Variants in TEAD2 observed in about 807,000 individuals in gnomAD.
TEAD2 encodes TEA domain transcription factor 2, also known as transcriptional enhancer factor TEF-4.
In TEAD2, 51 loss-of-function variants were observed where a neutral mutation model predicts 61.4. That is an observed-to-expected ratio of 0.83 (90% CI 0.66 to 1.05). The LOEUF is 1.05. TEAD2 is among the 50% of genes least tolerant of loss of function. TEAD2 has a pLI of 0.00. For synonymous variants in TEAD2, 244 were observed against 243.2 expected (o/e 1.00, Z -0.03); for missense variants, 509 against 600.0 (o/e 0.85, Z 1.58).
chr19:49,355,474 G>T, intron 5 of TEAD2, 55 bp from the exon 6 acceptor site: 1 of 1,470,802 alleles, frequency 6.8e-7, no homozygotes, highest in South Asian at 1.1e-5. Context: ...AACATGGCAA[G>T]AGGGGGATGG....
chr19:49,357,723 G>T, intron 3 of TEAD2: 1 of 254,958 alleles, frequency 3.9e-6, no homozygotes, highest in Non-Finnish European at 7.8e-6. Context: ...GGAGGTATTG[G>T]ATCATGGAGG....
Position 49,355,352 on chromosome 19 carries a change from G to A in TEAD2, c.440C>T (p.Ala147Val), listed in dbSNP as rs767942933. The change falls in exon 6 of 13, where the codon GCG becomes GTG. Residue 147 changes from alanine to valine, a missense_variant. Coordinates refer to ENST00000593945, the MANE Select transcript of TEAD2 (RefSeq NM_001256660.2). ...ACCCAGTTTGGCCTGCAGAGAAGGC[G>A]CGGAGATGAGCTGGGCAGAGGACAT... ...ATMSSAQLIS[A>V]PSLQAKLGPT... is the part of the protein sequence containing the mutation. The A allele has an allele frequency of 2.3e-5, 37 of 1,614,220 alleles. No homozygotes were observed. The highest frequency in any genetic ancestry group is 1.2e-4 in the South Asian group (11 of 91,086).
In TEAD2 at chr19:49,348,679, C is replaced by T. The variant is rs556267897; in HGVS notation, c.747+24G>A. ...CCCTCTATATTTCAAAATCCCTCAGCGACTGTACCAAAATTTCACTCACAG... is the reference window on the plus strand; with the variant it reads ...CCCTCTATATTTCAAAATCCCTCAGTGACTGTACCAAAATTTCACTCACAG... On this transcript the variant is annotated intron_variant, in intron 9 of 12. Coordinates refer to ENST00000593945, the MANE Select transcript of TEAD2 (RefSeq NM_001256660.2). 63 of 1,604,314 alleles carry T rather than the reference C, an allele frequency of 3.9e-5. No individual in the cohort carries two copies. In the African/African-American group the frequency reaches 6.8e-4, roughly 17 times the overall value.
At chr19:49,350,347 T>G (rs1241176465) in intron 8 of TEAD2, among the ~76,000 whole-genome samples, 2 of 152,122 alleles carry the variant, frequency 1.3e-5, no homozygotes, top group Non-Finnish European at 2.9e-5. Flanking sequence ...TGAGACAGAG[T>G]CTTGCTCTGT....
intron 8 of TEAD2, among the ~76,000 whole-genome samples, chr19:49,349,796 C>T (rs971999469): frequency 6.6e-6 from 1 of 152,154 alleles, no homozygotes; most frequent in Non-Finnish European, 1.5e-5. Context: ...TTATAAATCA[C>T]CCAGTTTCAG....
chr19:49,348,992 T>G, intron 8 of TEAD2, 147 bp from the exon 9 acceptor site: 1 of 1,071,742 alleles, frequency 9.3e-7, no homozygotes, highest in Non-Finnish European at 1.3e-6. Flanking sequence ...AGTGGCCATG[T>G]GACACAGTCC....
chr19:49,350,253 C>A (rs1452193346), intron 8 of TEAD2, among the ~76,000 whole-genome samples: 1 of 152,036 alleles, frequency 6.6e-6, no homozygotes, highest in Admixed American at 6.6e-5. Flanking sequence ...ACGCCTGAGG[C>A]CATAATTCTG....
chr19:49,348,556 C>T lies in TEAD2; in HGVS notation c.747+147G>A, dbSNP rs1971796547. On this transcript the variant is annotated intron_variant, in intron 9 of 12. Coordinates refer to ENST00000593945, the MANE Select transcript of TEAD2 (RefSeq NM_001256660.2). ...TTCTCAAGCCCCACATCACATCTAG[C>T]AAATCAGAAAGCAATCTCTGTTTTA... is the stretch of plus-strand genomic sequence containing the variant. 8 of 822,790 alleles carry T rather than the reference C, an allele frequency of 9.7e-6. No homozygotes were observed. The Admixed American group carries it at 1.0e-4, about 11-fold the overall frequency. The allele number at this position is 822,790 out of a possible 1,614,324, so 51.0% of individuals were successfully genotyped here. A position where few individuals can be genotyped will look rare whatever the true frequency, so the allele number is the denominator to read the frequency against.
At chr19:49,345,447 G>A (rs1971569890) in intron 10 of TEAD2, among the ~76,000 whole-genome samples, 1 of 152,010 alleles carries the variant, frequency 6.6e-6, no homozygotes, top group Non-Finnish European at 1.5e-5. Flanking sequence ...CCACCTCCCA[G>A]GCTTAAGTGA....
Position 49,340,642 on chromosome 19 carries a change from C to G in TEAD2, c.*682G>C, listed in dbSNP as rs1016445994. On this transcript the variant is annotated 3_prime_UTR_variant, in exon 13 of 13. Transcript: ENST00000593945. ...CTCTGTCAGAACACAAACAAACAAACTTTGAGAGGGGAGGAAGGAAACCGT... is the reference window on the plus strand; with the variant it reads ...CTCTGTCAGAACACAAACAAACAAAGTTTGAGAGGGGAGGAAGGAAACCGT... 4 of 511,432 alleles carry G rather than the reference C, an allele frequency of 7.8e-6. No homozygotes were observed. The highest frequency in any genetic ancestry group is 1.1e-5 in the Non-Finnish European group (3 of 281,194). The allele number at this position is 511,432 out of a possible 1,614,324, so 31.7% of individuals were successfully genotyped here.
intron 1 of TEAD2, 129 bp from the exon 2 acceptor site, chr19:49,360,210 T>A (rs1320854137): frequency 2.8e-6 from 2 of 713,598 alleles, no homozygotes; most frequent in African/African-American, 1.8e-5. Flanking sequence ...CTCCTGGGTC[T>A]GAGGGAAGAG....
In TEAD2 at chr19:49,347,262, A is replaced by G. The variant is rs1221221150; in HGVS notation, c.849T>C (p.Pro283=). The G allele has an allele frequency of 1.5e-5, 24 of 1,614,036 alleles. No homozygotes were observed. Among genetic ancestry groups the G allele is most frequent in the Non-Finnish European group, 1.9e-5 (23 of 1,180,008 alleles). Reference sequence around the variant, plus strand: ...GCTCTCGGAGGCCACCCTTTTTCTCAGGGAATTTGTCGTAGATCTGCCGGA... The same window carrying G: ...GCTCTCGGAGGCCACCCTTTTTCTCGGGGAATTTGTCGTAGATCTGCCGGA... ...VDVRQIYDKF[P]EKKGGLRELY... is the part of the protein sequence containing the mutation. Residue 283 remains proline, a synonymous_variant, in exon 10 of 13, where the codon CCT becomes CCC. Coordinates refer to ENST00000593945, the MANE Select transcript of TEAD2 (RefSeq NM_001256660.2).
chr19:49,347,443 G>A (rs188897783), intron 9 of TEAD2, 80 bp from the exon 10 acceptor site: 91 of 1,504,874 alleles, frequency 6.0e-5, no homozygotes, highest in South Asian at 1.8e-4. Flanking sequence ...ACCAAATGCC[G>A]TCACCATCCC....
rs749993764 is a variant in TEAD2 at position 49,357,328 on chromosome 19, C to A, written c.298-14G>T. ...GTGACTAGAAACCTGGAAGGATCAA[C>A]GGAGAAGCAGATTCAGGCCACAGCC... On this transcript the variant is annotated splice_polypyrimidine_tract_variant and intron_variant, in intron 3 of 12. Transcript: ENST00000593945. The A allele has an allele frequency of 1.2e-6, 2 of 1,613,548 alleles. No homozygotes were observed. The highest frequency in any genetic ancestry group is 1.7e-6 in the Non-Finnish European group (2 of 1,179,824).
chr19:49,347,429 G>C, intron 9 of TEAD2, 66 bp from the exon 10 acceptor site: 2 of 1,564,074 alleles, frequency 1.3e-6, no homozygotes, highest in South Asian at 2.3e-5. Context: ...TGCTGCCTGA[G>C]CCCACCAAAT....
rs766246202 is a variant in TEAD2 at position 49,342,527 on chromosome 19, C to T, written c.1153G>A (p.Glu385Lys). ...VYRLLRSPMCEYLVNFLHKLR... is the reference protein window; with the variant it reads ...VYRLLRSPMCKYLVNFLHKLR... ...TTGTGCAAGAAATTCACCAGGTACT[C>T]GCACATGGGCGAGCGCAGCAGGCGG... Residue 385 changes from glutamate to lysine, a missense_variant, in exon 12 of 13, where the codon GAG becomes AAG. Transcript: ENST00000593945. 13 of 1,614,010 alleles carry T rather than the reference C, an allele frequency of 8.1e-6. No homozygotes were observed. The Admixed American group carries it at 1.8e-4, about 23-fold the overall frequency.
Position 49,340,624 on chromosome 19 carries a change from A to G in TEAD2, c.*700T>C. 3.6e-6 allele frequency: 2 copies of G among 549,046 alleles called. No individual in the cohort carries two copies. Among genetic ancestry groups the G allele is most frequent in the Non-Finnish European group, 3.3e-6 (1 of 304,520 alleles). 34.0% of individuals were successfully genotyped at this position (549,046 alleles called of 1,614,324 possible). A position where few individuals can be genotyped will look rare whatever the true frequency, so the allele number is the denominator to read the frequency against. On this transcript the variant is annotated 3_prime_UTR_variant, in exon 13 of 13. Coordinates refer to ENST00000593945, the MANE Select transcript of TEAD2 (RefSeq NM_001256660.2). ...TGGTAAAATAGCTTTATCCTCTGTC[A>G]GAACACAAACAAACAAACTTTGAGA...
chr19:49,358,115 T>A (rs1220222079), intron 3 of TEAD2, among the ~76,000 whole-genome samples: 2 of 152,144 alleles, frequency 1.3e-5, no homozygotes, highest in African/African-American at 4.8e-5. Flanking sequence ...GCGCCTGTAG[T>A]CCCAGCTACT....
Position 49,351,097 on chromosome 19 carries a change from T to C in TEAD2, c.604+204A>G, listed in dbSNP as rs549279131. Among the ~76,000 whole-genome samples the C allele has an allele frequency of 3.8e-4, 58 of 152,160 alleles. No individual in the cohort carries two copies. The East Asian group carries it at 0.011, about 28-fold the overall frequency. On this transcript the variant is annotated intron_variant, in intron 8 of 12. Transcript: ENST00000593945. ...GGGAGGCTGAGGCAGGAGAATCACT[T>C]GAACCCAGGAGGCGGAGGTTGCAGT...
Sources: allele counts gnomAD v4.1 joint callset (sites outside exome capture counted in the v4.1 genomes callset), GRCh38; gene constraint gnomAD v4.1.1; transcripts MANE v1.5; gene names NCBI Gene and HGNC (gene_info 2026-07-23, HGNC 2026-07-21).